Variants in WWOX observed in about 807,000 individuals in gnomAD.
WWOX encodes WW domain-containing oxidoreductase.
In WWOX, 69 loss-of-function variants were observed where a neutral mutation model predicts 46.2. The observed-to-expected ratio is 1.49, with a 90% CI of 1.23 to 1.82. WWOX has a LOEUF of 1.82. WWOX is among the 40% of genes most tolerant of loss of function. The pLI, the probability that WWOX is intolerant of heterozygous loss-of-function variation, is 0.00. For missense variants in WWOX, 919 were observed against 542.6 expected, an observed-to-expected ratio of 1.69 and a Z score of -6.89; for synonymous variants, 359 against 202.6, an observed-to-expected ratio of 1.77 and a Z score of -6.56.
At chr16:78,955,261 A>T (rs2046141786) in intron 8 of WWOX, among the ~76,000 whole-genome samples, 1 of 152,090 alleles carries the variant, frequency 6.6e-6, no homozygotes, top group Admixed American at 6.6e-5. Flanking sequence ...TCACAGATGG[A>T]CCTCCACATG....
At chr16:78,420,775 A>G (rs1322250937) in intron 6 of WWOX, among the ~76,000 whole-genome samples, 1 of 152,058 alleles carries the variant, frequency 6.6e-6, no homozygotes, top group Non-Finnish European at 1.5e-5. Flanking sequence ...TGGTATGTGC[A>G]TTATATTTCA....
intron 8 of WWOX, among the ~76,000 whole-genome samples, chr16:78,621,444 C>T (rs1342281227): frequency 6.6e-6 from 1 of 151,898 alleles, no homozygotes; most frequent in East Asian, 1.9e-4. Flanking sequence ...CTTGGAGTTG[C>T]TTATTCTTTT....
At chr16:78,343,793 C>T (rs9939767) in intron 5 of WWOX, among the ~76,000 whole-genome samples, 21,744 of 119,766 alleles carry the variant, frequency 0.18, 7,181 homozygotes, top group Non-Finnish European at 0.24. Context: ...GAGTGACTTG[C>T]TCTCAGTTCT....
chr16:79,131,845 C>A (rs1047187214), intron 8 of WWOX, among the ~76,000 whole-genome samples: 1 of 152,142 alleles, frequency 6.6e-6, no homozygotes, highest in African/African-American at 2.4e-5. Flanking sequence ...GGAAGCCTTA[C>A]AATCATGGTG....
chr16:79,065,146 G>T lies in WWOX; in HGVS notation c.1057-146462G>T, dbSNP rs535841139. On this transcript the variant is annotated intron_variant, in intron 8 of 8. Coordinates refer to ENST00000566780, the MANE Select transcript of WWOX (RefSeq NM_016373.4). ...CGCTATGGGGAAATGCAGATAAACC[G>T]TAAAAACTTGATAGAGTGAACAAAG... 2.0e-5 allele frequency among the ~76,000 whole-genome samples: 3 copies of T among 152,160 alleles called. No homozygotes were observed. In the East Asian group the frequency reaches 5.8e-4, roughly 29 times the overall value.
chr16:78,781,716 A>G (rs1469784947), intron 8 of WWOX, among the ~76,000 whole-genome samples: 1 of 152,142 alleles, frequency 6.6e-6, no homozygotes, highest in Non-Finnish European at 1.5e-5. Flanking sequence ...TAGAGGATGC[A>G]GTGAGCTGAG....
chr16:78,920,573 G>A (rs1469358492), intron 8 of WWOX, among the ~76,000 whole-genome samples: 1 of 152,076 alleles, frequency 6.6e-6, no homozygotes, highest in East Asian at 1.9e-4. Flanking sequence ...CTTGTTAAAT[G>A]TCAGCTTTGA....
chr16:78,360,082 AT>A (rs1028790011), intron 5 of WWOX, among the ~76,000 whole-genome samples: 1 of 152,168 alleles, frequency 6.6e-6, no homozygotes, highest in African/African-American at 2.4e-5. Context: ...TGTCAAAAAG[AT>A]TTTCCCCCAA....
intron 8 of WWOX, among the ~76,000 whole-genome samples, chr16:78,505,729 G>T (rs1257522275): frequency 6.6e-6 from 1 of 152,108 alleles, no homozygotes; most frequent in Non-Finnish European, 1.5e-5. Context: ...GGAGCATGCA[G>T]GCTTAAGGCT....
Position 78,946,110 on chromosome 16 carries a change from C to A in WWOX, c.1057-265498C>A, listed in dbSNP as rs149558158. On this transcript the variant is annotated intron_variant, in intron 8 of 8. Transcript: ENST00000566780. ...AAATAAGGTGGTTGTTCAGGAAATT[C>A]CTCCAGTTAATTTTACTTTAATTCC... Among the ~76,000 whole-genome samples, 27 of 152,226 alleles carry A rather than the reference C, an allele frequency of 1.8e-4. No individual in the cohort carries two copies. In the East Asian group the frequency reaches 5.0e-3, roughly 28 times the overall value.
rs150632953 is a variant in WWOX at position 79,028,774 on chromosome 16, A to G, written c.1057-182834A>G. 2.4e-4 allele frequency among the ~76,000 whole-genome samples: 37 copies of G among 151,900 alleles called. No individual in the cohort carries two copies. The East Asian group carries it at 6.2e-3, about 25-fold the overall frequency. On this transcript the variant is annotated intron_variant, in intron 8 of 8. Transcript: ENST00000566780. Reference sequence around the variant, plus strand: ...AATTTATTTTCTTTACATTATCTGGATAATTACATTTGGTTTGCTTACATA... The same window carrying G: ...AATTTATTTTCTTTACATTATCTGGGTAATTACATTTGGTTTGCTTACATA...
rs75837605 is a variant in WWOX at position 78,421,376 on chromosome 16, C to T, written c.606-3494C>T. 6.0e-3 allele frequency among the ~76,000 whole-genome samples: 919 copies of T among 152,272 alleles called. 10 individuals are homozygous for T. The highest frequency in any genetic ancestry group is 0.021 in the African/African-American group (883 of 41,554). ...ATCTTAGTCAGTCTAATCTCTGCCTCTGTCTTTCCATCTCCTTCTCTGTGG... is the reference window on the plus strand; with the variant it reads ...ATCTTAGTCAGTCTAATCTCTGCCTTTGTCTTTCCATCTCCTTCTCTGTGG... On this transcript the variant is annotated intron_variant, in intron 6 of 8. Transcript: ENST00000566780.
intron 6 of WWOX, among the ~76,000 whole-genome samples, chr16:78,399,860 C>T (rs2082370991): frequency 1.3e-5 from 2 of 152,130 alleles, no homozygotes; most frequent in Admixed American, 1.3e-4. Flanking sequence ...ACATGGGAAC[C>T]ATCTTTTCCC....
intron 8 of WWOX, among the ~76,000 whole-genome samples, chr16:78,914,583 A>T (rs1329476607): frequency 6.6e-6 from 1 of 151,966 alleles, no homozygotes; most frequent in African/African-American, 2.4e-5. Flanking sequence ...CACTGTGAGT[A>T]TAAGAGGGAA....
In WWOX at chr16:78,957,202, C is replaced by T. The variant is rs559152108; in HGVS notation, c.1057-254406C>T. Among the ~76,000 whole-genome samples, 4 of 152,288 alleles carry T rather than the reference C, an allele frequency of 2.6e-5. No homozygotes were observed. In the South Asian group the frequency reaches 8.3e-4, roughly 32 times the overall value. ...AAGCAATATTTACTGAAATGCAGGG[C>T]ACACGACTTTTCCAGCAAACCACAC... On this transcript the variant is annotated intron_variant, in intron 8 of 8. Transcript: ENST00000566780.
intron 8 of WWOX, among the ~76,000 whole-genome samples, chr16:78,624,699 G>A (rs2046271370): frequency 6.6e-6 from 1 of 152,152 alleles, no homozygotes; most frequent in African/African-American, 2.4e-5. Context: ...TCTCAAAGTT[G>A]CCTTTCATGA....
chr16:78,644,354 T>C (rs2046791742), intron 8 of WWOX, among the ~76,000 whole-genome samples: 1 of 152,128 alleles, frequency 6.6e-6, no homozygotes, highest in Non-Finnish European at 1.5e-5. Flanking sequence ...ACCTCCCTCC[T>C]CTATGCAAAC....
At chr16:78,351,482 G>C (rs2081182699) in intron 5 of WWOX, among the ~76,000 whole-genome samples, 1 of 152,256 alleles carries the variant, frequency 6.6e-6, no homozygotes, top group East Asian at 1.9e-4. Flanking sequence ...GCTTTAGGTG[G>C]GGCAGAGGGG....
chr16:79,116,600 C>G (rs889208416), intron 8 of WWOX, among the ~76,000 whole-genome samples: 24 of 152,160 alleles, frequency 1.6e-4, no homozygotes, highest in African/African-American at 5.6e-4. Flanking sequence ...CATCATCAGG[C>G]TCTACTTCTA....
Sources: allele counts gnomAD v4.1 joint callset (sites outside exome capture counted in the v4.1 genomes callset), GRCh38; gene constraint gnomAD v4.1.1; transcripts MANE v1.5; gene names NCBI Gene and HGNC (gene_info 2026-07-23, HGNC 2026-07-21).